Variants in VAPA observed in about 807,000 individuals in gnomAD.
VAPA encodes the protein vesicle-associated membrane protein-associated protein A.
Under a neutral mutation model 25.6 loss-of-function variants are expected in VAPA, and 6 were observed. That is an observed-to-expected ratio of 0.23 (90% CI 0.13 to 0.46). The LOEUF is 0.46. Among genes scored for constraint, VAPA ranks in the 20% least tolerant of loss-of-function variants. The pLI, the probability that VAPA is intolerant of heterozygous loss-of-function variation, is 0.99. For missense variants in VAPA, 244 were observed against 302.1 expected (o/e 0.81, Z 1.43); for synonymous variants, 112 against 106.2 (o/e 1.05, Z -0.34).
At position 9,954,369 on chromosome 18, in the gene VAPA, G is replaced by A. The variant is rs1364015367; in HGVS notation, c.*158G>A. On this transcript the variant is annotated 3_prime_UTR_variant, in exon 6 of 6. Transcript: ENST00000400000. The stretch of plus-strand genomic sequence containing the variant: ...TGCCTTTAATGATCTCTTACGGTTA[G>A]AAAACACAATAAAAACAAACTGTTC... 3.2e-6 allele frequency: 2 copies of A among 632,222 alleles called. No individual in the cohort carries two copies. The highest frequency in any genetic ancestry group is 3.7e-5 in the African/African-American group (2 of 53,852). The allele number at this position is 632,222 out of a possible 1,614,324, so 39.2% of individuals were successfully genotyped here. A position where few individuals can be genotyped will look rare whatever the true frequency, so the allele number is the denominator to read the frequency against.
chr18:9,915,182 C>T (rs932327891), intron 1 of VAPA: 1 of 152,256 alleles, frequency 6.6e-6, no homozygotes, highest in African/African-American at 2.4e-5. Flanking sequence ...TTTATTTAGC[C>T]CTTTAGTTGA....
intron 4 of VAPA, among the ~76,000 whole-genome samples, chr18:9,942,846 A>G (rs568406257): frequency 6.6e-6 from 1 of 152,258 alleles, no homozygotes; most frequent in Non-Finnish European, 1.5e-5. Context: ...CACCCTCATG[A>G]TCCAGTCGCT....
chr18:9,914,468 C>T (rs913024442), intron 1 of VAPA, 133 bp downstream of exon 1: 11 of 717,518 alleles, frequency 1.5e-5, no homozygotes, highest in Admixed American at 1.3e-4. Flanking sequence ...GGCGCCTTCC[C>T]TTTCCCGGCT....
intron 2 of VAPA, among the ~76,000 whole-genome samples, chr18:9,934,133 A>G (rs1214805939): frequency 1.3e-5 from 2 of 152,124 alleles, no homozygotes; most frequent in Non-Finnish European, 2.9e-5. Context: ...GTGTATTTCC[A>G]TTTACAGTCA....
At chr18:9,920,632 A>C (rs188896271) in intron 1 of VAPA, among the ~76,000 whole-genome samples, 79 of 152,322 alleles carry the variant, frequency 5.2e-4, no homozygotes, top group African/African-American at 1.8e-3. Flanking sequence ...TGTCCTCCAC[A>C]CTGCTGCTGG....
intron 1 of VAPA, among the ~76,000 whole-genome samples, chr18:9,916,465 A>T (rs1036165954): frequency 6.6e-6 from 1 of 152,204 alleles, no homozygotes. Context: ...GGGGAGGTTT[A>T]GGCCAAGAGA....
intron 1 of VAPA, 24 bp downstream of exon 1, chr18:9,914,359 G>A: frequency 6.4e-7 from 1 of 1,553,882 alleles, no homozygotes; most frequent in Non-Finnish European, 8.7e-7. Flanking sequence ...GGACACCCCC[G>A]GGTGGGGTGG....
chr18:9,930,748 A>G (rs937420610), intron 1 of VAPA, among the ~76,000 whole-genome samples: 5 of 151,530 alleles, frequency 3.3e-5, no homozygotes, highest in Admixed American at 6.6e-5. Flanking sequence ...TTTCTTTTCT[A>G]TAACTGGTTC....
At chr18:9,923,921 C>A in intron 1 of VAPA, 1 of 174,502 alleles carries the variant, frequency 5.7e-6, no homozygotes, top group Middle Eastern at 2.7e-3. Flanking sequence ...ATAAAGCTGT[C>A]TATGGCCATA....
At position 9,918,568 on chromosome 18, in the gene VAPA, T is replaced by C. The variant is rs79563178; in HGVS notation, c.79+4233T>C. On this transcript the variant is annotated intron_variant, in intron 1 of 5. Coordinates refer to ENST00000400000, the MANE Select transcript of VAPA (RefSeq NM_194434.3). ...TGGCTTCTATAACAGCATTGTCTTC[T>C]AATTTTCTTATTTGCTCCATTTATT... Among the ~76,000 whole-genome samples, 243 of 152,362 alleles carry C rather than the reference T, an allele frequency of 1.6e-3. 6 individuals carry two copies. In the East Asian group the frequency reaches 0.038, roughly 24 times the overall value.
In VAPA at chr18:9,950,560, C is replaced by T; in HGVS notation, c.583C>T (p.His195Tyr). The change falls in exon 5 of 6, where the codon CAC (histidine) becomes TAC (tyrosine). Residue 195 changes from histidine to tyrosine, a missense_variant. Transcript: ENST00000400000. The part of the protein sequence containing the change: ...EMMKLSEENR[H>Y]LRDEGLRLRK... ...GATGAAGCTATCAGAAGAAAATCGG[C>T]ACCTGAGAGTAAGTTCTGTTGGTTG... is the stretch of plus-strand genomic sequence containing the variant. 1.2e-6 allele frequency: 2 copies of T among 1,612,320 alleles called. No individual in the cohort carries two copies. The highest frequency in any genetic ancestry group is 1.7e-6 in the Non-Finnish European group (2 of 1,179,604).
intron 5 of VAPA, among the ~76,000 whole-genome samples, chr18:9,953,187 A>G (rs2069507967): frequency 6.6e-6 from 1 of 152,186 alleles, no homozygotes; most frequent in African/African-American, 2.4e-5. Context: ...CTTCTGCTCT[A>G]AAGACATAGT....
In VAPA at chr18:9,944,654, A is replaced by C. The variant is rs1364686444; in HGVS notation, c.418-5741A>C. On this transcript the variant is annotated intron_variant, in intron 4 of 5. Coordinates refer to ENST00000400000, the MANE Select transcript of VAPA (RefSeq NM_194434.3). Reference sequence around the variant, plus strand: ...CATTTTAAAACAATGTAAGGCTGGCATAAATTTTAATAAAGTATGTACATT... The same window carrying C: ...CATTTTAAAACAATGTAAGGCTGGCCTAAATTTTAATAAAGTATGTACATT... 3.3e-5 allele frequency among the ~76,000 whole-genome samples: 5 copies of C among 152,278 alleles called. No homozygotes were observed. The East Asian group carries it at 9.6e-4, about 29-fold the overall frequency.
chr18:9,916,849 T>C (rs2069115742), intron 1 of VAPA, among the ~76,000 whole-genome samples: 2 of 152,232 alleles, frequency 1.3e-5, no homozygotes, highest in South Asian at 2.1e-4. Context: ...ATTTTAGTTA[T>C]TGATTCTGAG....
rs1364601665 is a variant in VAPA at position 9,955,307 on chromosome 18, T to C, written c.*1096T>C. Reference sequence around the variant, plus strand: ...AATAATGTTCATTATGGAAGTTTGGTAATACTGAGCAAGCCTGTGGAATTT... The same window carrying C: ...AATAATGTTCATTATGGAAGTTTGGCAATACTGAGCAAGCCTGTGGAATTT... On this transcript the variant is annotated 3_prime_UTR_variant, in exon 6 of 6. Coordinates refer to ENST00000400000, the MANE Select transcript of VAPA (RefSeq NM_194434.3). The C allele has an allele frequency of 2.0e-5, 3 of 152,228 alleles. No individual in the cohort carries two copies. Among genetic ancestry groups the C allele is most frequent in the African/African-American group, 7.2e-5 (3 of 41,458 alleles). 9.4% of individuals were successfully genotyped at this position (152,228 alleles called of 1,614,324 possible).
chr18:9,935,393 G>A (rs1024166602), intron 2 of VAPA, among the ~76,000 whole-genome samples: 23 of 152,110 alleles, frequency 1.5e-4, no homozygotes, highest in Admixed American at 2.6e-4. Context: ...GCAAAATGAC[G>A]AAAACCCTTT....
chr18:9,927,930 T>C (rs1449100713), intron 1 of VAPA, among the ~76,000 whole-genome samples: 2 of 152,102 alleles, frequency 1.3e-5, no homozygotes, highest in Non-Finnish European at 2.9e-5. Context: ...AGCCACATAA[T>C]TGAAAGGTAG....
In VAPA at chr18:9,954,091, T is replaced by A; in HGVS notation, c.630T>A (p.Asp210Glu). ...GLRLRKVAHS[D>E]KPGSTSTASF... ...GGCTCAGAAAGGTAGCACATTCGGA[T>A]AAACCTGGATCAACCTCAACTGCAT... The change falls in exon 6 of 6, where the codon GAT (aspartate) becomes GAA (glutamate). Residue 210 changes from aspartate (D) to glutamate (E), a missense_variant. Transcript: ENST00000400000. The A allele has an allele frequency of 6.2e-7, 1 of 1,614,144 alleles. No individual in the cohort carries two copies. Among genetic ancestry groups the A allele is most frequent in the Non-Finnish European group, 8.5e-7 (1 of 1,180,004 alleles).
intron 1 of VAPA, among the ~76,000 whole-genome samples, chr18:9,923,446 A>G (rs959864322): frequency 5.9e-5 from 9 of 152,170 alleles, no homozygotes; most frequent in Non-Finnish European, 1.3e-4. Context: ...GTATGTTTAT[A>G]GTATAACTTG....
Sources: gnomAD v4.1 joint callset for allele counts (sites outside exome capture counted in the v4.1 genomes callset) on GRCh38, gnomAD v4.1.1 for gene constraint, MANE v1.5 for transcripts, NCBI Gene and HGNC (gene_info 2026-07-23, HGNC 2026-07-21) for gene names.